Variants in FAM151B observed in about 807,000 individuals in gnomAD.
FAM151B encodes family with sequence similarity 151 member B.
In FAM151B, 24 loss-of-function variants were observed where a neutral mutation model predicts 31.2. The ratio of observed to expected loss-of-function variants is 0.77; its 90% CI spans 0.56 to 1.08. The LOEUF (loss-of-function observed/expected upper bound fraction) is 1.08, where lower values mean the gene tolerates loss of function less well. Among genes scored for constraint, FAM151B ranks in the 50% least tolerant of loss-of-function variants. The pLI is 0.00. For synonymous variants in FAM151B, 105 were observed against 111.4 expected (o/e 0.94, Z 0.36); for missense variants, 293 against 328.6 (o/e 0.89, Z 0.84).
intron 5 of FAM151B, among the ~76,000 whole-genome samples, chr5:80,538,448 C>CTTTCTTTCTTTT (rs1235874356): frequency 2.0e-5 from 1 of 49,348 alleles, no homozygotes; most frequent in Non-Finnish European, 3.7e-5. Context: ...TTCTTTCTTT[C>CTTTCTTTCTTTT]TCTTTCTTTC....
chr5:80,534,971 TA>T (rs1401530187), intron 5 of FAM151B, among the ~76,000 whole-genome samples: 1 of 151,990 alleles, frequency 6.6e-6, no homozygotes, highest in Non-Finnish European at 1.5e-5. Context: ...AGTGAACAAT[TA>T]AAAAAGAAAT....
intron 1 of FAM151B, among the ~76,000 whole-genome samples, chr5:80,493,289 A>T (rs766451830): frequency 5.3e-4 from 80 of 152,336 alleles, no homozygotes; most frequent in Non-Finnish European, 1.0e-3. Context: ...GCTTTACTTT[A>T]ATCTCTTAAT....
At chr5:80,492,079 T>TGATTCC (rs2112593634) in intron 1 of FAM151B, among the ~76,000 whole-genome samples, 1 of 152,316 alleles carries the variant, frequency 6.6e-6, no homozygotes, top group Admixed American at 6.5e-5. Flanking sequence ...AGCAACACTG[T>TGATTCC]GATTCCGTAT....
At position 80,522,033 on chromosome 5, in the gene FAM151B, A is replaced by G; in HGVS notation, c.566A>G (p.Glu189Gly). The change falls in exon 5 of 6, where the codon GAA (glutamate) becomes GGA (glycine). Residue 189 changes from glutamate (E) to glycine (G), a missense_variant. Coordinates refer to ENST00000282226, the MANE Select transcript of FAM151B (RefSeq NM_205548.3). ...GYSWTMVKEM[E>G]YICNELSQPV... ...AGTTGGACAATGGTGAAAGAGATGG[A>G]ATATATATGTAATGAACTAAGTCAG... 1 of 1,605,668 alleles carries G rather than the reference A, an allele frequency of 6.2e-7. No homozygotes were observed. The highest frequency in any genetic ancestry group is 8.5e-7 in the Non-Finnish European group (1 of 1,173,772).
chr5:80,494,540 TCTCC>T (rs1414523848), intron 1 of FAM151B, among the ~76,000 whole-genome samples: 1 of 149,430 alleles, frequency 6.7e-6, no homozygotes, highest in Non-Finnish European at 1.5e-5. Context: ...TAAGACAGGG[TCTCC>T]CTCTGTAACA....
intron 1 of FAM151B, among the ~76,000 whole-genome samples, chr5:80,497,193 AG>A (rs764373408): frequency 2.0e-5 from 3 of 152,060 alleles, no homozygotes; most frequent in Non-Finnish European, 4.4e-5. Context: ...TGGGAGGCCA[AG>A]GGCAGCAGAT....
chr5:80,532,167 A>G (rs1331179221), intron 5 of FAM151B, among the ~76,000 whole-genome samples: 1 of 142,686 alleles, frequency 7.0e-6, no homozygotes, highest in African/African-American at 2.6e-5. Flanking sequence ...GGAATCGAAC[A>G]ATGAGAACAC....
At chr5:80,531,133 G>T (rs868075114) in intron 5 of FAM151B, among the ~76,000 whole-genome samples, 22 of 152,246 alleles carry the variant, frequency 1.4e-4, no homozygotes, top group Non-Finnish European at 2.9e-4. Flanking sequence ...ACAAGAAATG[G>T]GGAAAGGATT....
chr5:80,535,156 G>A (rs1484595893), intron 5 of FAM151B, among the ~76,000 whole-genome samples: 1 of 152,144 alleles, frequency 6.6e-6, no homozygotes, highest in Non-Finnish European at 1.5e-5. Flanking sequence ...AATTAATATT[G>A]TTAAAATATC....
At chr5:80,526,696 T>G (rs902999263) in intron 5 of FAM151B, among the ~76,000 whole-genome samples, 2 of 152,176 alleles carry the variant, frequency 1.3e-5, no homozygotes, top group African/African-American at 4.8e-5. Context: ...TAATGTTAAT[T>G]TTACCTCTTT....
chr5:80,515,521 T>A (rs1237544044), intron 3 of FAM151B, among the ~76,000 whole-genome samples: 1 of 152,206 alleles, frequency 6.6e-6, no homozygotes, highest in Non-Finnish European at 1.5e-5. Flanking sequence ...TTTTCATGTT[T>A]ACTATTGCCC....
intron 5 of FAM151B, chr5:80,522,349 A>G (rs1744758918): frequency 4.7e-6 from 2 of 426,172 alleles, no homozygotes; most frequent in African/African-American, 2.0e-5. Flanking sequence ...TTTTACCCCT[A>G]TTCCTCACAA....
At chr5:80,510,349 A>G (rs908393119) in intron 2 of FAM151B, among the ~76,000 whole-genome samples, 3 of 152,114 alleles carry the variant, frequency 2.0e-5, no homozygotes, top group Non-Finnish European at 4.4e-5. Flanking sequence ...CTCTCTCTCT[A>G]TGTGGTCTCT....
chr5:80,539,733 C>T (rs1365296172), intron 5 of FAM151B, among the ~76,000 whole-genome samples: 2 of 151,082 alleles, frequency 1.3e-5, no homozygotes, highest in Non-Finnish European at 2.9e-5. Flanking sequence ...CTCAGGCAAT[C>T]GGCCTGCCTC....
At chr5:80,515,048 TG>T (rs1483591949) in intron 3 of FAM151B, among the ~76,000 whole-genome samples, 2 of 152,110 alleles carry the variant, frequency 1.3e-5, no homozygotes, top group Admixed American at 1.3e-4. Context: ...GAGACCAGCC[TG>T]GCCAACATGG....
intron 2 of FAM151B, among the ~76,000 whole-genome samples, chr5:80,512,228 G>A (rs1744220985): frequency 6.6e-6 from 1 of 152,148 alleles, no homozygotes; most frequent in African/African-American, 2.4e-5. Context: ...GTGTATGATG[G>A]CAACCCATCA....
At chr5:80,517,715 G>T (rs185221646) in intron 3 of FAM151B, among the ~76,000 whole-genome samples, 2 of 152,100 alleles carry the variant, frequency 1.3e-5, no homozygotes, top group African/African-American at 4.8e-5. Flanking sequence ...ACAGTGCTTC[G>T]CATGTAGTAG....
rs11340979 is a variant in FAM151B, at chr5:80,504,514, C to CTT, written c.151+2621_151+2622dup. Among the ~76,000 whole-genome samples, 473 of 58,758 alleles carry CTT rather than the reference C, an allele frequency of 8.0e-3. 1 individual carries two copies. Among genetic ancestry groups the CTT allele is most frequent in the African/African-American group, 0.02 (295 of 14,792 alleles). 38.5% of individuals were successfully genotyped at this position (58,758 alleles called of 152,430 possible). A position where few individuals can be genotyped will look rare whatever the true frequency, so the allele number is the denominator to read the frequency against. On this transcript the variant is annotated intron_variant, in intron 2 of 5. Transcript: ENST00000282226. ...GAATTAGCAGACTGCGACTATTACT[C>CTT]TTTTTTTTTTTTTTTTTTTTTTTTT...
At chr5:80,541,074 A>G (rs1483926474) in intron 5 of FAM151B, among the ~76,000 whole-genome samples, 2 of 152,230 alleles carry the variant, frequency 1.3e-5, no homozygotes, top group South Asian at 4.1e-4. Flanking sequence ...TAACATTCTG[A>G]GCATATTCTT....
Sources: gnomAD v4.1 joint callset for allele counts (sites outside exome capture counted in the v4.1 genomes callset) on GRCh38, gnomAD v4.1.1 for gene constraint, MANE v1.5 for transcripts, NCBI Gene and HGNC (gene_info 2026-07-23, HGNC 2026-07-21) for gene names.